Variants in LRRIQ3 observed in about 807,000 individuals in gnomAD.
The protein encoded by LRRIQ3 is leucine rich repeats and IQ motif containing 3.
Under a neutral mutation model 59.3 loss-of-function variants are expected in LRRIQ3, and 75 were observed. The ratio of observed to expected loss-of-function variants is 1.26; its 90% CI spans 1.05 to 1.53. LRRIQ3 has a LOEUF of 1.53. Ranked by LOEUF, LRRIQ3 falls within the 40% of genes most tolerant of loss-of-function variation. The pLI is 0.00. For synonymous variants in LRRIQ3, 250 were observed against 231.3 expected (o/e 1.08, Z -0.73); for missense variants, 831 against 710.0 (o/e 1.17, Z -1.94).
chr1:74,148,585 G>A (rs568463857), intron 4 of LRRIQ3, among the ~76,000 whole-genome samples: 2 of 152,168 alleles, frequency 1.3e-5, no homozygotes, highest in Non-Finnish European at 2.9e-5. Context: ...GGTGTGTTGT[G>A]GGGGAAGAAG....
At chr1:74,172,017 T>G (rs964131106) in intron 3 of LRRIQ3, among the ~76,000 whole-genome samples, 2 of 152,138 alleles carry the variant, frequency 1.3e-5, no homozygotes, top group Non-Finnish European at 2.9e-5. Flanking sequence ...TCTGTGTTAT[T>G]ATTGCTGAGT....
chr1:74,147,388 C>G (rs771000150), intron 4 of LRRIQ3, among the ~76,000 whole-genome samples: 1 of 152,056 alleles, frequency 6.6e-6, no homozygotes. Flanking sequence ...TTTGGTCAAC[C>G]ATGAAAGATT....
intron 5 of LRRIQ3, among the ~76,000 whole-genome samples, chr1:74,075,400 C>G (rs886565018): frequency 3.3e-5 from 5 of 151,960 alleles, no homozygotes; most frequent in Non-Finnish European, 7.4e-5. Flanking sequence ...AACCCTGTCT[C>G]TACTAAAAAT....
At chr1:74,142,114 G>T (rs1160006481) in intron 4 of LRRIQ3, among the ~76,000 whole-genome samples, 1 of 151,802 alleles carries the variant, frequency 6.6e-6, no homozygotes, top group Non-Finnish European at 1.5e-5. Context: ...ACGTGAGAGT[G>T]CAGGTATCTT....
intron 6 of LRRIQ3, among the ~76,000 whole-genome samples, chr1:74,074,148 A>G (rs903405403): frequency 2.6e-5 from 4 of 152,180 alleles, no homozygotes; most frequent in Non-Finnish European, 5.9e-5. Flanking sequence ...TTCTTCCTAA[A>G]AAAATTTCTC....
chr1:74,155,494 C>A (rs1648263103), intron 4 of LRRIQ3, among the ~76,000 whole-genome samples: 1 of 151,918 alleles, frequency 6.6e-6, no homozygotes, highest in African/African-American at 2.4e-5. Flanking sequence ...TAATCCATGG[C>A]TTACATTTGT....
At chr1:74,156,987 T>C (rs1259175029) in intron 3 of LRRIQ3, among the ~76,000 whole-genome samples, 1 of 152,060 alleles carries the variant, frequency 6.6e-6, no homozygotes, top group Non-Finnish European at 1.5e-5. Context: ...CTTTTCTGCA[T>C]ATACACTCAA....
intron 6 of LRRIQ3, among the ~76,000 whole-genome samples, chr1:74,062,952 G>C (rs1171803538): frequency 3.9e-5 from 6 of 151,924 alleles, no homozygotes; most frequent in Non-Finnish European, 5.9e-5. Context: ...TATATATGTA[G>C]TAAACATTCA....
intron 6 of LRRIQ3, among the ~76,000 whole-genome samples, chr1:74,069,834 C>A (rs879605143): frequency 6.6e-6 from 1 of 151,882 alleles, no homozygotes; most frequent in Admixed American, 6.6e-5. Flanking sequence ...ATTTCATATG[C>A]CCTAGTTGAA....
In LRRIQ3 at chr1:74,146,306, T is replaced by C. The variant is rs137878017; in HGVS notation, c.707+9427A>G. 8.2e-3 allele frequency among the ~76,000 whole-genome samples: 1,243 copies of C among 152,288 alleles called. 5 individuals carry two copies. Among genetic ancestry groups the C allele is most frequent in the Non-Finnish European group, 0.012 (829 of 68,012 alleles). On this transcript the variant is annotated intron_variant, in intron 4 of 7. Transcript: ENST00000354431. ...ATGTTATTTATAATGTAAAATCATA[T>C]ACAATGTTAGTGTACCATTATATAT...
intron 3 of LRRIQ3, among the ~76,000 whole-genome samples, chr1:74,163,814 A>T (rs181545388): frequency 6.6e-5 from 10 of 151,616 alleles, no homozygotes; most frequent in African/African-American, 2.4e-4. Flanking sequence ...TTCCATGTTT[A>T]GTTTTTTCAG....
intron 1 of LRRIQ3, among the ~76,000 whole-genome samples, chr1:74,187,657 T>C (rs1405648440): frequency 6.6e-6 from 1 of 152,034 alleles, no homozygotes; most frequent in Non-Finnish European, 1.5e-5. Context: ...GGGTGACAGG[T>C]ACACTCAAAT....
intron 1 of LRRIQ3, among the ~76,000 whole-genome samples, chr1:74,186,075 T>C (rs1223731575): frequency 6.7e-6 from 1 of 148,842 alleles, no homozygotes; most frequent in Non-Finnish European, 1.5e-5. Flanking sequence ...ATTTAATATA[T>C]AGCTATATAA....
intron 6 of LRRIQ3, among the ~76,000 whole-genome samples, chr1:74,069,294 C>G (rs1199854205): frequency 2.0e-5 from 3 of 151,990 alleles, no homozygotes; most frequent in African/African-American, 7.2e-5. Flanking sequence ...AAATCACTAA[C>G]AGAACACACA....
intron 4 of LRRIQ3, among the ~76,000 whole-genome samples, chr1:74,118,102 A>G (rs1570144821): frequency 1.3e-5 from 2 of 152,150 alleles, no homozygotes; most frequent in South Asian, 4.1e-4. Flanking sequence ...ATTAGAAAAT[A>G]GCAGGCATAA....
chr1:74,178,964 A>G (rs1256387828), intron 3 of LRRIQ3, among the ~76,000 whole-genome samples: 1 of 152,130 alleles, frequency 6.6e-6, no homozygotes, highest in Non-Finnish European at 1.5e-5. Flanking sequence ...GCAGGAAGCT[A>G]GAATAAACTT....
intron 3 of LRRIQ3, among the ~76,000 whole-genome samples, chr1:74,174,850 G>T (rs997389808): frequency 2.6e-5 from 4 of 151,928 alleles, no homozygotes; most frequent in East Asian, 1.9e-4. Flanking sequence ...ATATTATTTT[G>T]AATTCTTTGT....
chr1:74,074,479 T>C (rs1381822501), intron 6 of LRRIQ3, among the ~76,000 whole-genome samples, 182 bp downstream of exon 6: 1 of 152,156 alleles, frequency 6.6e-6, no homozygotes, highest in Non-Finnish European at 1.5e-5. Flanking sequence ...GGATTACATG[T>C]ACTTTTTTGT....
chr1:74,144,608 T>A, intron 4 of LRRIQ3: 1 of 243,048 alleles, frequency 4.1e-6, no homozygotes, highest in Non-Finnish European at 8.7e-6. Context: ...CTCCATTGTA[T>A]CTTCTGTAGC....
Sources: gnomAD v4.1 joint callset for allele counts (sites outside exome capture counted in the v4.1 genomes callset) on GRCh38, gnomAD v4.1.1 for gene constraint, MANE v1.5 for transcripts, NCBI Gene and HGNC (gene_info 2026-07-23, HGNC 2026-07-21) for gene names.